The following GRIA3 variants were observed in gnomAD, a reference collection of about 807,000 sequenced individuals.
GRIA3 encodes glutamate ionotropic receptor AMPA type subunit 3.
GRIA3 carries 3 observed loss-of-function variants against 63.0 expected under a neutral mutation model. That is an observed-to-expected ratio of 0.05 (90% CI 0.02 to 0.12). The LOEUF (loss-of-function observed/expected upper bound fraction) is 0.12. Among genes scored for constraint, GRIA3 ranks in the 10% least tolerant of loss-of-function variants. GRIA3 has a pLI of 1.00. For missense variants in GRIA3, 347 were observed against 700.9 expected, an observed-to-expected ratio of 0.50 and a Z score of 5.70; for synonymous variants, 274 against 257.9, an observed-to-expected ratio of 1.06 and a Z score of -0.60.
At chrX:123,447,439 C>G (rs533599) in intron 12 of GRIA3, among the ~76,000 whole-genome samples, 2,646 of 111,867 alleles carry the variant, frequency 0.024, 61 homozygotes, top group East Asian at 0.15. Context: ...AAGGTGATAG[C>G]TGTATCAGAA....
At chrX:123,382,945 G>A (rs977559619) in intron 5 of GRIA3, among the ~76,000 whole-genome samples, 3 of 112,001 alleles carry the variant, frequency 2.7e-5, no homozygotes, top group East Asian at 5.6e-4. Flanking sequence ...AATGGTGGCA[G>A]AAGCATTCAC....
chrX:123,245,285 C>T (rs1168883092), intron 2 of GRIA3, among the ~76,000 whole-genome samples: 1 of 111,245 alleles, frequency 9.0e-6, no homozygotes, highest in Admixed American at 9.6e-5. Flanking sequence ...ATGCTGAGTT[C>T]GTGATGCCTT....
At chrX:123,340,377 T>C (rs2045001226) in intron 4 of GRIA3, among the ~76,000 whole-genome samples, 1 of 112,839 alleles carries the variant, frequency 8.9e-6, no homozygotes, top group South Asian at 3.7e-4. Context: ...TACTGGATGA[T>C]GTGCACTCTA....
chrX:123,445,999 A>C (rs1286142903), intron 12 of GRIA3, among the ~76,000 whole-genome samples: 1 of 112,287 alleles, frequency 8.9e-6, no homozygotes, highest in East Asian at 2.8e-4. Context: ...AGGAACATTT[A>C]AAAGTGTTGG....
chrX:123,487,104 G>A (rs2045946063), intron 15 of GRIA3, among the ~76,000 whole-genome samples: 1 of 112,426 alleles, frequency 8.9e-6, no homozygotes, highest in Non-Finnish European at 1.9e-5. Context: ...TGACTACCTG[G>A]TGCCTCTCTG....
rs1228813293 is a variant in GRIA3, at chrX:123,260,426, CAGAA to C, written c.508+6915_508+6918del. 5.3e-3 allele frequency among the ~76,000 whole-genome samples: 39 copies of C among 7,351 alleles called. 4 individuals are homozygous for C. The highest frequency in any genetic ancestry group is 0.043 in the South Asian group (2 of 46). 6.4% of individuals were successfully genotyped at this position (7,351 alleles called of 115,157 possible). A position where few individuals can be genotyped will look rare whatever the true frequency, so the allele number is the denominator to read the frequency against. On this transcript the variant is annotated intron_variant, in intron 3 of 15. Transcript: ENST00000620443. The stretch of plus-strand genomic sequence containing the variant: ...AAAGACAGACAGACAGACAGACAGA[CAGAA>C]AGAAAGAAAGAAAGAAAGAAAGAAA...
At chrX:123,288,609 T>G (rs150849202) in intron 3 of GRIA3, among the ~76,000 whole-genome samples, 1 of 110,911 alleles carries the variant, frequency 9.0e-6, no homozygotes, top group African/African-American at 3.3e-5. Context: ...GGGCAAAGGA[T>G]ATGAACAGAC....
chrX:123,336,256 C>T (rs1175231470), intron 4 of GRIA3, among the ~76,000 whole-genome samples: 1 of 112,240 alleles, frequency 8.9e-6, no homozygotes, highest in Non-Finnish European at 1.9e-5. Context: ...GACTCAAGTT[C>T]TTCACTGCAC....
intron 5 of GRIA3, among the ~76,000 whole-genome samples, chrX:123,355,245 T>C (rs893532547): frequency 3.6e-5 from 4 of 112,587 alleles, no homozygotes; most frequent in African/African-American, 9.7e-5. Flanking sequence ...ACTATTTTAA[T>C]TGGGTTTGAA....
intron 3 of GRIA3, among the ~76,000 whole-genome samples, chrX:123,300,742 T>A (rs1180909134): frequency 9.1e-6 from 1 of 110,074 alleles, no homozygotes; most frequent in African/African-American, 3.3e-5. Context: ...GCTCATTGGT[T>A]TTTTTAGCTG....
chrX:123,453,618 AACACACACAC>A (rs780732296), intron 12 of GRIA3, among the ~76,000 whole-genome samples: 2 of 103,375 alleles, frequency 1.9e-5, no homozygotes, highest in African/African-American at 7.0e-5. Context: ...TCAGGTTTTC[AACACACACAC>A]ACACACACAC....
chrX:123,224,972 G>A (rs992104387), intron 2 of GRIA3, among the ~76,000 whole-genome samples: 3 of 111,211 alleles, frequency 2.7e-5, no homozygotes, highest in African/African-American at 9.8e-5. Context: ...AGAATTAATC[G>A]TGGTTTCCTC....
intron 11 of GRIA3, among the ~76,000 whole-genome samples, chrX:123,423,708 G>T (rs915391122): frequency 8.9e-6 from 1 of 111,903 alleles, no homozygotes; most frequent in Non-Finnish European, 1.9e-5. Flanking sequence ...AAAAAGGAAT[G>T]ATAAAGAGTT....
chrX:123,436,258 A>T (rs2045643354), intron 12 of GRIA3, among the ~76,000 whole-genome samples: 1 of 111,773 alleles, frequency 8.9e-6, no homozygotes, highest in African/African-American at 3.3e-5. Flanking sequence ...CAAAAATAAA[A>T]TAAGATAATC....
At chrX:123,389,866 C>T (rs140925166) in intron 5 of GRIA3, among the ~76,000 whole-genome samples, 6,055 of 109,894 alleles carry the variant, frequency 0.055, 363 homozygotes, top group African/African-American at 0.18. Flanking sequence ...CCACCACGCC[C>T]GGCTAATTTT....
intron 2 of GRIA3, among the ~76,000 whole-genome samples, chrX:123,213,848 T>A (rs1201489201): frequency 8.9e-6 from 1 of 112,157 alleles, no homozygotes; most frequent in African/African-American, 3.2e-5. Flanking sequence ...CTTATCCATA[T>A]GCAGCAGGGC....
chrX:123,219,478 C>G (rs1384768628), intron 2 of GRIA3, among the ~76,000 whole-genome samples: 4 of 112,253 alleles, frequency 3.6e-5, no homozygotes, highest in African/African-American at 3.2e-5. Context: ...AAGGGCAATA[C>G]CAATAAACAC....
At chrX:123,214,541 A>C (rs745504950) in intron 2 of GRIA3, among the ~76,000 whole-genome samples, 1 of 111,787 alleles carries the variant, frequency 8.9e-6, no homozygotes, top group South Asian at 3.8e-4. Flanking sequence ...AATCAGTCTA[A>C]AGCAGGGAAT....
chrX:123,353,358 T>C (rs774533318), intron 4 of GRIA3, among the ~76,000 whole-genome samples: 3 of 112,235 alleles, frequency 2.7e-5, no homozygotes, highest in Non-Finnish European at 5.6e-5. Context: ...TACCGCTTCC[T>C]AGCTGTGTGG....
Sources: gnomAD v4.1 joint callset for allele counts (sites outside exome capture counted in the v4.1 genomes callset) on GRCh38, gnomAD v4.1.1 for gene constraint, MANE v1.5 for transcripts, NCBI Gene and HGNC (gene_info 2026-07-23, HGNC 2026-07-21) for gene names.